MADD: variants seen among roughly 807,000 people sequenced by gnomAD.
MADD encodes the protein MAP kinase-activating death domain protein.
In MADD, 109 loss-of-function variants were observed where a neutral mutation model predicts 176.7. The ratio of observed to expected loss-of-function variants is 0.62; its 90% CI spans 0.53 to 0.72. MADD has a LOEUF of 0.72. MADD is among the 30% of genes least tolerant of loss of function. MADD has a pLI of 0.00. For synonymous variants in MADD, 771 were observed against 771.3 expected (o/e 1.00, Z 0.01); for missense variants, 1,914 against 2,045.5 (o/e 0.94, Z 1.24).
chr11:47,282,970 G>A lies in MADD; in HGVS notation c.1862+1G>A. On this transcript the variant is annotated splice_donor_variant, in intron 10 of 32. Coordinates refer to ENST00000402192, the Ensembl canonical transcript of MADD. LOFTEE classifies it high-confidence loss of function. ...CTGACTCCGAACCTACTGATGATAG[G>A]TGAGCATCCTTAGGGCAGCAAAAAG... is the stretch of plus-strand genomic sequence containing the variant. The A allele has an allele frequency of 6.2e-7, 1 of 1,613,146 alleles. No homozygotes were observed. The highest frequency in any genetic ancestry group is 1.8e-4 in the Middle Eastern group (1 of 5,530).
intron 22 of MADD, among the ~76,000 whole-genome samples, chr11:47,304,062 A>G (rs1235620118): frequency 6.6e-6 from 1 of 152,178 alleles, no homozygotes; most frequent in Non-Finnish European, 1.5e-5. Context: ...AAATCCAATA[A>G]TATGAATATT....
At chr11:47,313,166 T>A (rs1279515549) in intron 26 of MADD, among the ~76,000 whole-genome samples, 4 of 152,248 alleles carry the variant, frequency 2.6e-5, no homozygotes, top group African/African-American at 9.6e-5. Context: ...AGTTTTGAAC[T>A]TGAAGCTTCC....
chr11:47,296,551 A>G lies in MADD; in HGVS notation c.3642+496A>G, dbSNP rs555546416. ...TCCATGAAGTGATTTACTAAGTGCCAGATTTTGTGCTAAAGAAACAGGGAT... is the reference window on the plus strand; with the variant it reads ...TCCATGAAGTGATTTACTAAGTGCCGGATTTTGTGCTAAAGAAACAGGGAT... On this transcript the variant is annotated intron_variant, in intron 22 of 32. Transcript: ENST00000402192. 1.3e-4 allele frequency among the ~76,000 whole-genome samples: 20 copies of G among 152,302 alleles called. No individual in the cohort carries two copies. In the South Asian group the frequency reaches 3.7e-3, roughly 28 times the overall value.
At chr11:47,309,789 C>T (rs1286654813) in intron 25 of MADD, among the ~76,000 whole-genome samples, 177 bp downstream of exon 28, 1 of 151,896 alleles carries the variant, frequency 6.6e-6, no homozygotes, top group African/African-American at 2.4e-5. Flanking sequence ...TTATCTGAAG[C>T]TGCCAGCCAG....
chr11:47,281,429 G>A (rs1248792611), intron 7 of MADD, 146 bp from the exon 8 acceptor site: 4 of 534,382 alleles, frequency 7.5e-6, no homozygotes, highest in South Asian at 3.8e-5. Flanking sequence ...GCCGTGATTT[G>A]CAAATTAGCA....
At chr11:47,299,551 ATTAG>A (rs536056991) in intron 22 of MADD, among the ~76,000 whole-genome samples, 204 of 42,816 alleles carry the variant, frequency 4.8e-3, no homozygotes, top group Non-Finnish European at 6.7e-3. Flanking sequence ...GAATTCACTT[ATTAG>A]TTCTGAGTTT....
intron 27 of MADD, among the ~76,000 whole-genome samples, chr11:47,319,990 C>CAAAAAAAAAAAAAAAAA (rs11302029): frequency 1.5e-5 from 1 of 67,880 alleles, no homozygotes; most frequent in Non-Finnish European, 2.7e-5. Context: ...GACTCCATCG[C>CAAAAAAAAAAAAAAAAA]AAAAAAAAAA....
At chr11:47,300,554 A>G (rs1003790992) in intron 22 of MADD, among the ~76,000 whole-genome samples, 2 of 149,754 alleles carry the variant, frequency 1.3e-5, no homozygotes, top group Non-Finnish European at 3.0e-5. Context: ...CTGGAGTGCA[A>G]TGGTGTGATG....
intron 12 of MADD, 139 bp downstream of exon 12, chr11:47,284,704 A>G (rs2059403514): frequency 1.2e-5 from 15 of 1,264,682 alleles, no homozygotes; most frequent in Non-Finnish European, 1.6e-5. Flanking sequence ...CCTAGAGCTT[A>G]GAGCCTAAGA....
At chr11:47,286,179 G>T (rs553334964) in intron 14 of MADD, among the ~76,000 whole-genome samples, 1 of 152,330 alleles carries the variant, frequency 6.6e-6, no homozygotes, top group East Asian at 1.9e-4. Flanking sequence ...TGTAGCAGTG[G>T]ATGAGAGACT....
At chr11:47,313,513 G>A (rs1357605880) in intron 26 of MADD, among the ~76,000 whole-genome samples, 3 of 150,450 alleles carry the variant, frequency 2.0e-5, no homozygotes, top group Middle Eastern at 3.2e-3. Flanking sequence ...TAATAGAGAC[G>A]GGGTTTCACC....
At chr11:47,276,227 T>G in intron 4 of MADD, 25 bp downstream of exon 4, 1 of 1,565,408 alleles carries the variant, frequency 6.4e-7, no homozygotes, top group Non-Finnish European at 8.7e-7. Flanking sequence ...TCCTAGACCT[T>G]TCTAGGGGAG....
Position 47,308,704 on chromosome 11 carries a change from G to A in MADD, c.3751+5G>A. ...ATCTCTATGAGGGACTCCTAGGTGA[G>A]AAACACACTGGGAAGGCCCTTTGCA... On this transcript the variant is annotated splice_donor_5th_base_variant and intron_variant, in intron 23 of 32. Coordinates refer to ENST00000402192, the Ensembl canonical transcript of MADD. 6.2e-7 allele frequency: 1 copy of A among 1,610,146 alleles called. No homozygotes were observed. The highest frequency in any genetic ancestry group is 2.2e-5 in the East Asian group (1 of 44,856).
intron 28 of MADD, 122 bp from the exon 32 acceptor site, chr11:47,324,142 AG>A: frequency 2.5e-6 from 2 of 793,108 alleles, no homozygotes; most frequent in Non-Finnish European, 4.3e-6. Flanking sequence ...TCCGAAAAAT[AG>A]GAGGACTACT....
chr11:47,305,674 G>A (rs1458909689), intron 22 of MADD, among the ~76,000 whole-genome samples: 1 of 152,116 alleles, frequency 6.6e-6, no homozygotes, highest in African/African-American at 2.4e-5. Flanking sequence ...GCGTGGCAGA[G>A]CACAGCTGTC....
chr11:47,306,616 C>T (rs983318093), intron 22 of MADD, among the ~76,000 whole-genome samples: 4 of 151,824 alleles, frequency 2.6e-5, no homozygotes, highest in Non-Finnish European at 5.9e-5. Flanking sequence ...TCCTTGTTCC[C>T]AGCTGATCCT....
intron 25 of MADD, among the ~76,000 whole-genome samples, chr11:47,311,435 C>T (rs2089071823): frequency 6.6e-6 from 1 of 152,086 alleles, no homozygotes; most frequent in Non-Finnish European, 1.5e-5. Context: ...TTTTAGAGCC[C>T]TTGTAGGGGT....
chr11:47,269,858 C>A (rs1413847299), upstream of MADD: 1 of 152,138 alleles, frequency 6.6e-6, no homozygotes, highest in Non-Finnish European at 1.5e-5. Flanking sequence ...TCGAAACGGG[C>A]GCTATGACCC....
intron 3 of MADD, 117 bp downstream of exon 3, chr11:47,275,276 T>A: frequency 1.2e-6 from 1 of 822,844 alleles, no homozygotes; most frequent in South Asian, 1.7e-5. Context: ...CTATTAAGCA[T>A]ATTTAGAGTA....
Sources: allele counts gnomAD v4.1 joint callset (sites outside exome capture counted in the v4.1 genomes callset), GRCh38; gene constraint gnomAD v4.1.1; transcripts MANE v1.5; gene names NCBI Gene and HGNC (gene_info 2026-07-23, HGNC 2026-07-21).